CMSS1: variants seen among roughly 807,000 people sequenced by gnomAD.
CMSS1 encodes protein CMSS1.
In CMSS1, 33 loss-of-function variants were observed where a neutral mutation model predicts 43.5. The observed-to-expected ratio is 0.76, with a 90% CI of 0.57 to 1.01. The LOEUF is 1.01. Among genes scored for constraint, CMSS1 ranks in the 50% least tolerant of loss-of-function variants. CMSS1 has a pLI of 0.00. For synonymous variants in CMSS1, 115 were observed against 117.2 expected (o/e 0.98, Z 0.12); for missense variants, 313 against 326.4 (o/e 0.96, Z 0.32).
intron 1 of CMSS1, among the ~76,000 whole-genome samples, chr3:100,034,686 G>C (rs2065077764): frequency 6.6e-6 from 1 of 152,038 alleles, no homozygotes; most frequent in Admixed American, 6.6e-5. Flanking sequence ...ATTTATGATG[G>C]GGAACCCTCA....
intron 1 of CMSS1, among the ~76,000 whole-genome samples, chr3:100,074,029 T>C (rs773793155): frequency 6.6e-6 from 1 of 152,208 alleles, no homozygotes; most frequent in African/African-American, 2.4e-5. Context: ...CAAGTCGTCT[T>C]CTACTGTTAA....
At chr3:99,871,508 G>C (rs550135355) in intron 1 of CMSS1, among the ~76,000 whole-genome samples, 12 of 152,146 alleles carry the variant, frequency 7.9e-5, no homozygotes, top group Non-Finnish European at 1.5e-4. Flanking sequence ...AATCATTAAT[G>C]AGTAATTTAA....
intron 9 of CMSS1, among the ~76,000 whole-genome samples, chr3:100,176,832 C>A (rs1189556117): frequency 6.6e-6 from 1 of 152,158 alleles, no homozygotes; most frequent in African/African-American, 2.4e-5. Context: ...CACATGGATT[C>A]CCAAGAACCC....
At chr3:100,175,120 T>G (rs986169093) in intron 8 of CMSS1, among the ~76,000 whole-genome samples, 1 of 152,194 alleles carries the variant, frequency 6.6e-6, no homozygotes, top group Non-Finnish European at 1.5e-5. Context: ...TGTAAATTTA[T>G]TTTTTTGCAA....
At chr3:100,147,117 C>G (rs953115867) in intron 2 of CMSS1, 56 bp downstream of exon 2, 1 of 1,597,928 alleles carries the variant, frequency 6.3e-7, no homozygotes, top group Non-Finnish European at 8.5e-7. Flanking sequence ...CAGCCTTTTC[C>G]TCCTCTCTAT....
chr3:100,010,261 G>A (rs1321519646), intron 1 of CMSS1: 2 of 318,468 alleles, frequency 6.3e-6, no homozygotes, highest in African/African-American at 4.5e-5. Context: ...CCACAACATT[G>A]TCCTTAGTAG....
intron 1 of CMSS1, among the ~76,000 whole-genome samples, chr3:100,005,324 GA>G: frequency 6.6e-6 from 1 of 152,308 alleles, no homozygotes; most frequent in South Asian, 2.1e-4. Flanking sequence ...AGGCTGTCTT[GA>G]AAAAGGTGAA....
intron 1 of CMSS1, among the ~76,000 whole-genome samples, chr3:99,990,215 G>C (rs1405433098): frequency 6.6e-6 from 1 of 152,064 alleles, no homozygotes; most frequent in African/African-American, 2.4e-5. Flanking sequence ...CTGGGTGGTA[G>C]AGAGGGTAGT....
At chr3:100,056,831 C>T (rs993218669) in intron 1 of CMSS1, among the ~76,000 whole-genome samples, 6 of 151,938 alleles carry the variant, frequency 3.9e-5, no homozygotes, top group African/African-American at 1.2e-4. Context: ...AGTGAAACCC[C>T]GTCTCTACTA....
At chr3:100,148,301 A>G (rs1032947590) in intron 2 of CMSS1, among the ~76,000 whole-genome samples, 2 of 152,084 alleles carry the variant, frequency 1.3e-5, no homozygotes, top group African/African-American at 4.8e-5. Flanking sequence ...CTGGTCTCGA[A>G]CTTCTGGGCT....
chr3:99,967,383 G>A (rs114312381), intron 1 of CMSS1, among the ~76,000 whole-genome samples: 1,717 of 152,274 alleles, frequency 0.011, 18 homozygotes, highest in African/African-American at 0.025. Flanking sequence ...GAAGCTTCTC[G>A]TGAAGAGTAA....
chr3:99,914,753 T>C (rs1427089143), intron 1 of CMSS1, among the ~76,000 whole-genome samples: 1 of 152,238 alleles, frequency 6.6e-6, no homozygotes, highest in African/African-American at 2.4e-5. Flanking sequence ...TAAAAATTCA[T>C]TGGAATGTGA....
chr3:99,819,353 TTGAG>T (rs1413077514), intron 1 of CMSS1, among the ~76,000 whole-genome samples: 1 of 152,218 alleles, frequency 6.6e-6, no homozygotes, highest in African/African-American at 2.4e-5. Flanking sequence ...TGAATTCTGT[TTGAG>T]TGGTGAAGGG....
chr3:99,966,915 A>G (rs1341308703), intron 1 of CMSS1, among the ~76,000 whole-genome samples: 1 of 152,336 alleles, frequency 6.6e-6, no homozygotes, highest in East Asian at 1.9e-4. Context: ...AGTCTGGGTG[A>G]AAATAGATGG....
chr3:99,924,595 T>C lies in CMSS1; in HGVS notation c.64+106552T>C, dbSNP rs552985883. ...GTGCAATGGCGCGATCTCGACTCAC[T>C]GCAACTTCCGCCTCCCGGGTTTAAG... On this transcript the variant is annotated intron_variant, in intron 1 of 9. Coordinates refer to ENST00000421999, the MANE Select transcript of CMSS1 (RefSeq NM_032359.4). Among the ~76,000 whole-genome samples the C allele has an allele frequency of 5.3e-5, 8 of 152,326 alleles. No homozygotes were observed. The South Asian group carries it at 1.7e-3, about 32-fold the overall frequency.
chr3:100,093,697 T>A (rs2066153381), intron 1 of CMSS1, among the ~76,000 whole-genome samples: 2 of 152,310 alleles, frequency 1.3e-5, no homozygotes, highest in South Asian at 4.1e-4. Context: ...CCACAACCAT[T>A]TTCCTCCCAT....
chr3:99,910,625 G>A lies in CMSS1; in HGVS notation c.64+92582G>A, dbSNP rs532909683. 5.1e-5 allele frequency among the ~76,000 whole-genome samples: 7 copies of A among 136,484 alleles called. 1 individual carries two copies. In the South Asian group the frequency reaches 1.5e-3, roughly 29 times the overall value. 89.5% of individuals were successfully genotyped at this position (136,484 alleles called of 152,430 possible). On this transcript the variant is annotated intron_variant, in intron 1 of 9. Coordinates refer to ENST00000421999, the MANE Select transcript of CMSS1 (RefSeq NM_032359.4). The stretch of plus-strand genomic sequence containing the variant: ...GTTTTAGCCCTTAGGCTGAAAAAAA[G>A]TAATACGCTATAATTCTAACTATTA...
At chr3:100,030,099 A>G (rs1278029685) in intron 1 of CMSS1, among the ~76,000 whole-genome samples, 1 of 152,160 alleles carries the variant, frequency 6.6e-6, no homozygotes, top group East Asian at 1.9e-4. Flanking sequence ...CAGATAAGGA[A>G]ACGGAGACCC....
At chr3:100,096,930 T>G (rs1165826096) in intron 1 of CMSS1, among the ~76,000 whole-genome samples, 4 of 152,122 alleles carry the variant, frequency 2.6e-5, no homozygotes, top group South Asian at 4.1e-4. Context: ...TAAAAAAATT[T>G]TAAATGAAAG....
Sources: allele counts gnomAD v4.1 joint callset (sites outside exome capture counted in the v4.1 genomes callset), GRCh38; gene constraint gnomAD v4.1.1; transcripts MANE v1.5; gene names NCBI Gene and HGNC (gene_info 2026-07-23, HGNC 2026-07-21).